LRRC37A3: variants seen among roughly 807,000 people sequenced by gnomAD.
LRRC37A3 encodes leucine rich repeat containing 37 member A3.
In LRRC37A3, 25 loss-of-function variants were observed where a neutral mutation model predicts 106.2. The observed-to-expected ratio is 0.24, with a 90% CI of 0.17 to 0.33. The LOEUF (loss-of-function observed/expected upper bound fraction) is 0.33. Ranked by LOEUF, LRRC37A3 falls within the 10% of genes least tolerant of loss-of-function variation. The pLI is 1.00. For synonymous variants in LRRC37A3, 305 were observed against 635.8 expected (o/e 0.48, Z 7.83); for missense variants, 712 against 1,644.9 (o/e 0.43, Z 9.81).
chr17:64,873,336 A>AT (rs893624553), intron 8 of LRRC37A3, among the ~76,000 whole-genome samples: 3 of 150,912 alleles, frequency 2.0e-5, no homozygotes, highest in African/African-American at 7.3e-5. Context: ...AGATTTTTTT[A>AT]TTTTTTATAG....
intron 10 of LRRC37A3, among the ~76,000 whole-genome samples, chr17:64,865,306 G>A (rs1973025909): frequency 6.6e-6 from 1 of 152,058 alleles, no homozygotes; most frequent in Non-Finnish European, 1.5e-5. Flanking sequence ...ACCACACCTG[G>A]CTAATTTTTG....
intron 10 of LRRC37A3, among the ~76,000 whole-genome samples, chr17:64,866,628 A>ATTTTTTTTT (rs1183521580): frequency 5.6e-5 from 1 of 17,870 alleles, no homozygotes; most frequent in Non-Finnish European, 8.6e-5. Flanking sequence ...ATATATATAT[A>ATTTTTTTTT]TTTTTTTTTT....
chr17:64,869,845 G>T (rs1000698466), intron 8 of LRRC37A3, among the ~76,000 whole-genome samples: 2 of 151,208 alleles, frequency 1.3e-5, no homozygotes, highest in Admixed American at 6.6e-5. Context: ...CTGGCTGCTT[G>T]TCTTTTATCT....
At chr17:64,867,125 C>A (rs1168008295) in intron 10 of LRRC37A3, among the ~76,000 whole-genome samples, 14 of 151,170 alleles carry the variant, frequency 9.3e-5, no homozygotes, top group Non-Finnish European at 1.6e-4. Context: ...AAATCACAAG[C>A]CATTTAAGAA....
chr17:64,878,902 G>A (rs1353875900), intron 8 of LRRC37A3, among the ~76,000 whole-genome samples: 3 of 152,186 alleles, frequency 2.0e-5, no homozygotes, highest in African/African-American at 4.8e-5. Flanking sequence ...ATTCATAAAA[G>A]CCAAAATAAA....
At chr17:64,864,160 A>AC (rs1972978755) in intron 10 of LRRC37A3, among the ~76,000 whole-genome samples, 1 of 152,004 alleles carries the variant, frequency 6.6e-6, no homozygotes, top group African/African-American at 2.4e-5. Flanking sequence ...CTGGAAGATC[A>AC]CCTTAGTCAA....
At chr17:64,872,674 G>A (rs1342639462) in intron 8 of LRRC37A3, among the ~76,000 whole-genome samples, 2 of 152,170 alleles carry the variant, frequency 1.3e-5, no homozygotes, top group Non-Finnish European at 2.9e-5. Flanking sequence ...AAGCTTAATA[G>A]GAAAAGCTGA....
At chr17:64,893,648 ATTTTTTTTT>A (rs3972251) in intron 4 of LRRC37A3, among the ~76,000 whole-genome samples, 1 of 86,956 alleles carries the variant, frequency 1.2e-5, no homozygotes, top group Admixed American at 1.2e-4. Flanking sequence ...CCCTCCTATC[ATTTTTTTTT>A]TTTTTTTTTT....
rs1412759441 is a variant in LRRC37A3 at position 64,854,473 on chromosome 17, C to A, written c.*126G>T. 1.4e-5 allele frequency: 19 copies of A among 1,368,920 alleles called. No homozygotes were observed. Among genetic ancestry groups the A allele is most frequent in the Non-Finnish European group, 2.0e-5 (19 of 967,546 alleles). 84.8% of individuals were successfully genotyped at this position (1,368,920 alleles called of 1,614,324 possible). A position where few individuals can be genotyped will look rare whatever the true frequency, so the allele number is the denominator to read the frequency against. ...GGGAAACAAGGGCAGGAACGATGGC[C>A]CTGTGCTTGCTCTGCCCGCTGCCTC... On this transcript the variant is annotated 3_prime_UTR_variant, in exon 15 of 15. Transcript: ENST00000584306.
rs1293210703 is a variant in LRRC37A3, at chr17:64,897,299, T to C, written c.-42A>G. The C allele has an allele frequency of 3.8e-5, 61 of 1,609,508 alleles. 3 individuals carry two copies. The African/African-American group carries it at 8.2e-4, about 22-fold the overall frequency. On this transcript the variant is annotated 5_prime_UTR_variant, in exon 4 of 15. Transcript: ENST00000584306. ...CGCTCGTGCCCCTTGTAAGCATGAG[T>C]CCCGCCCTGTCTTTATGACACCTTT... is the stretch of plus-strand genomic sequence containing the variant.
intron 8 of LRRC37A3, among the ~76,000 whole-genome samples, chr17:64,875,207 G>A (rs1378525788): frequency 1.3e-5 from 2 of 152,212 alleles, no homozygotes; most frequent in Non-Finnish European, 2.9e-5. Flanking sequence ...AGCCTGGGAG[G>A]TGGAGGCTGC....
intron 2 of LRRC37A3, among the ~76,000 whole-genome samples, chr17:64,910,732 C>T (rs1974571047): frequency 1.4e-5 from 2 of 145,628 alleles, no homozygotes; most frequent in South Asian, 2.2e-4. Flanking sequence ...GCAACCTCCA[C>T]CTCCCAGGTT....
At chr17:64,914,056 A>G (rs1471393644) in intron 2 of LRRC37A3, among the ~76,000 whole-genome samples, 3 of 151,120 alleles carry the variant, frequency 2.0e-5, no homozygotes, top group Non-Finnish European at 4.4e-5. Flanking sequence ...ATTCATCATA[A>G]CGAGTATGTT....
rs1973612921 is a variant in LRRC37A3 at position 64,879,286 on chromosome 17, C to T, written c.2906+6800G>A. On this transcript the variant is annotated intron_variant, in intron 8 of 14. Coordinates refer to ENST00000584306, the MANE Select transcript of LRRC37A3 (RefSeq NM_199340.5). ...TATACAACCTTGAGAATATACTAAC[C>T]ACCACTGAATTGTACACTTTATAAT... is the stretch of plus-strand genomic sequence containing the variant. Among the ~76,000 whole-genome samples, 3 of 152,074 alleles carry T rather than the reference C, an allele frequency of 2.0e-5. No individual in the cohort carries two copies. The South Asian group carries it at 6.3e-4, about 32-fold the overall frequency.
chr17:64,877,509 C>T (rs1156870524), intron 8 of LRRC37A3, among the ~76,000 whole-genome samples: 1 of 152,236 alleles, frequency 6.6e-6, no homozygotes, highest in East Asian at 1.9e-4. Context: ...GCTAACATAT[C>T]CTCTTTCTAA....
chr17:64,876,490 A>G (rs1973520504), intron 8 of LRRC37A3, among the ~76,000 whole-genome samples: 1 of 152,236 alleles, frequency 6.6e-6, no homozygotes, highest in African/African-American at 2.4e-5. Context: ...GCAAAAATAC[A>G]GAAGACCAAA....
intron 8 of LRRC37A3, among the ~76,000 whole-genome samples, chr17:64,885,164 TGCACAA>T (rs1973832815): frequency 9.7e-6 from 1 of 102,778 alleles, no homozygotes; most frequent in African/African-American, 3.9e-5. Flanking sequence ...AGTTTTTTTT[TGCACAA>T]TAGCTTAACA....
At chr17:64,877,848 C>A (rs1171269766) in intron 8 of LRRC37A3, among the ~76,000 whole-genome samples, 3 of 151,932 alleles carry the variant, frequency 2.0e-5, no homozygotes, top group African/African-American at 7.3e-5. Context: ...AGAAATAAAC[C>A]CTCACATTTA....
At position 64,854,839 on chromosome 17, in the gene LRRC37A3, G is replaced by T. The variant is rs181536361; in HGVS notation, c.4860-195C>A. 5.4e-4 allele frequency among the ~76,000 whole-genome samples: 83 copies of T among 152,294 alleles called. 1 individual carries two copies. The highest frequency in any genetic ancestry group is 2.0e-3 in the African/African-American group (82 of 41,566). ...TTATTTACTCTTGTGGCACTGAGAG[G>T]TTTGTACATATCTTTAAGCCAGATA... On this transcript the variant is annotated intron_variant, in intron 14 of 14. Transcript: ENST00000584306.
Sources: allele counts gnomAD v4.1 joint callset (sites outside exome capture counted in the v4.1 genomes callset), GRCh38; gene constraint gnomAD v4.1.1; transcripts MANE v1.5; gene names NCBI Gene and HGNC (gene_info 2026-07-23, HGNC 2026-07-21).